The following ATP8B4 variants were observed in gnomAD, a reference collection of about 807,000 sequenced individuals.
ATP8B4 encodes the protein ATPase phospholipid transporting 8B4 (putative).
A neutral mutation model predicts 145.6 loss-of-function variants in ATP8B4; 133 were observed. The observed-to-expected ratio is 0.91, with a 90% CI of 0.79 to 1.05. The LOEUF is 1.05. Ranked by LOEUF, ATP8B4 falls within the 50% of genes least tolerant of loss-of-function variation. The pLI, the probability that ATP8B4 is intolerant of heterozygous loss-of-function variation, is 0.00. For missense variants in ATP8B4, 1,458 were observed against 1,425.2 expected (o/e 1.02, Z -0.37); for synonymous variants, 507 against 492.9 (o/e 1.03, Z -0.38).
intron 1 of ATP8B4, among the ~76,000 whole-genome samples, chr15:50,137,176 T>A (rs1413383224): frequency 6.6e-6 from 1 of 152,198 alleles, no homozygotes; most frequent in Non-Finnish European, 1.5e-5. Context: ...AAAAATACTA[T>A]CTCATTCACT....
chr15:50,121,458 A>G (rs2153677977), upstream of ATP8B4, among the ~76,000 whole-genome samples: 1 of 152,230 alleles, frequency 6.6e-6, no homozygotes, highest in Middle Eastern at 3.4e-3. Flanking sequence ...AAGCCACTGA[A>G]CTGTACACTT....
intron 1 of ATP8B4, among the ~76,000 whole-genome samples, chr15:50,170,766 A>T (rs1016933198): frequency 6.6e-6 from 1 of 152,244 alleles, no homozygotes; most frequent in Non-Finnish European, 1.5e-5. Flanking sequence ...ACAGAACCAC[A>T]GAATGGATAA....
intron 3 of ATP8B4, among the ~76,000 whole-genome samples, chr15:50,053,129 C>T (rs993047079): frequency 2.6e-5 from 4 of 152,166 alleles, no homozygotes; most frequent in African/African-American, 7.2e-5. Flanking sequence ...ATTTATCAAG[C>T]TCTTACTATG....
rs539256433 is a variant in ATP8B4, at chr15:50,135,204, T to C, written c.-42-28196A>G. ...CCTTTTGAGATATGAGTGTGACACA[T>C]CATTCATCTCTAAACTTTCTCAGTT... On this transcript the variant is annotated intron_variant, in intron 1 of 3. Coordinates refer to the ATP8B4 transcript ENST00000558829. Among the ~76,000 whole-genome samples, 7 of 152,348 alleles carry C rather than the reference T, an allele frequency of 4.6e-5. No homozygotes were observed. The South Asian group carries it at 6.2e-4, about 14-fold the overall frequency.
intron 2 of ATP8B4, among the ~76,000 whole-genome samples, chr15:50,087,711 C>G (rs2055313223): frequency 1.3e-5 from 2 of 151,798 alleles, no homozygotes; most frequent in African/African-American, 4.8e-5. Flanking sequence ...CAAGGTTGAC[C>G]ATTCTAAATG....
chr15:49,961,249 G>T (rs1277121349), intron 14 of ATP8B4, among the ~76,000 whole-genome samples: 2 of 152,058 alleles, frequency 1.3e-5, no homozygotes, highest in African/African-American at 4.8e-5. Flanking sequence ...CAATATTGAT[G>T]TACCCATTTT....
chr15:49,893,356 T>C (rs537508587), intron 23 of ATP8B4, among the ~76,000 whole-genome samples: 12 of 152,116 alleles, frequency 7.9e-5, no homozygotes, highest in African/African-American at 2.9e-4. Context: ...ATTTAGAAAA[T>C]ATCGAACAAA....
chr15:50,098,743 G>T (rs2153661581), intron 2 of ATP8B4, among the ~76,000 whole-genome samples: 1 of 152,142 alleles, frequency 6.6e-6, no homozygotes, highest in East Asian at 1.9e-4. Flanking sequence ...CTCTCTGGAA[G>T]GCTATTTCAC....
At chr15:49,942,910 T>C (rs185878680) in intron 14 of ATP8B4, among the ~76,000 whole-genome samples, 93 of 152,274 alleles carry the variant, frequency 6.1e-4, no homozygotes, top group Non-Finnish European at 1.1e-3. Context: ...ATGAATTACC[T>C]GGCAAATAAT....
chr15:49,929,082 G>T (rs890428435), intron 16 of ATP8B4, among the ~76,000 whole-genome samples: 3 of 152,094 alleles, frequency 2.0e-5, no homozygotes, highest in Non-Finnish European at 4.4e-5. Flanking sequence ...AGCCCTCCTG[G>T]TGACGCTGAT....
chr15:50,087,109 ATATT>A (rs1250769203), intron 2 of ATP8B4, among the ~76,000 whole-genome samples: 7 of 119,970 alleles, frequency 5.8e-5, no homozygotes, highest in Admixed American at 1.8e-4. Context: ...AATATAGATT[ATATT>A]TATTATATAT....
intron 24 of ATP8B4, among the ~76,000 whole-genome samples, chr15:49,878,897 C>T (rs2034933204): frequency 6.6e-6 from 1 of 152,158 alleles, no homozygotes; most frequent in Non-Finnish European, 1.5e-5. Context: ...AGGTGTTAGC[C>T]CCCTGTGTTC....
intron 1 of ATP8B4, among the ~76,000 whole-genome samples, chr15:50,160,082 T>C (rs1405786757): frequency 6.7e-6 from 1 of 149,250 alleles, no homozygotes; most frequent in Non-Finnish European, 1.5e-5. Flanking sequence ...TTGCTTGTTA[T>C]TGGTCTGTTC....
intron 9 of ATP8B4, 86 bp from the exon 10 acceptor site, chr15:49,987,635 T>C: frequency 7.2e-7 from 1 of 1,382,300 alleles, no homozygotes; most frequent in Non-Finnish European, 9.8e-7. Context: ...TACCACTGTT[T>C]CCCTCTCCTT....
chr15:50,118,909 GA>G (rs889681176), intron 1 of ATP8B4, among the ~76,000 whole-genome samples: 5 of 151,674 alleles, frequency 3.3e-5, no homozygotes, highest in African/African-American at 1.2e-4. Context: ...CAACAAAAAA[GA>G]AAATGTCACA....
chr15:50,030,145 T>C (rs2050322005), intron 6 of ATP8B4, among the ~76,000 whole-genome samples: 1 of 152,162 alleles, frequency 6.6e-6, no homozygotes, highest in African/African-American at 2.4e-5. Context: ...TTAAAATTAA[T>C]GTTCTAACAT....
intron 1 of ATP8B4, among the ~76,000 whole-genome samples, chr15:50,135,265 CTTGTAGG>C (rs1250968444): frequency 1.3e-5 from 2 of 152,102 alleles, no homozygotes; most frequent in African/African-American, 4.8e-5. Flanking sequence ...ACAAATTCAG[CTTGTAGG>C]TTGATAAGGA....
intron 20 of ATP8B4, among the ~76,000 whole-genome samples, chr15:49,916,464 C>T (rs2039750244): frequency 6.6e-6 from 1 of 152,158 alleles, no homozygotes; most frequent in South Asian, 2.1e-4. Context: ...CTGTTTACAG[C>T]TGTTTCCCAA....
intron 13 of ATP8B4, among the ~76,000 whole-genome samples, chr15:49,966,400 C>T (rs538066277): frequency 2.6e-5 from 4 of 152,356 alleles, no homozygotes; most frequent in African/African-American, 9.6e-5. Context: ...GCACAGCAGT[C>T]TGAAGTTGAC....
Sources: allele counts gnomAD v4.1 joint callset (sites outside exome capture counted in the v4.1 genomes callset), GRCh38; gene constraint gnomAD v4.1.1; transcripts MANE v1.5; gene names NCBI Gene and HGNC (gene_info 2026-07-23, HGNC 2026-07-21).